Variants in ADCY4 observed in about 807,000 individuals in gnomAD.
ADCY4 encodes the protein adenylate cyclase 4.
Under a neutral mutation model 125.5 loss-of-function variants are expected in ADCY4, and 111 were observed. The observed-to-expected ratio is 0.88, with a 90% CI of 0.76 to 1.04. The LOEUF (loss-of-function observed/expected upper bound fraction) is 1.04. ADCY4 is among the 50% of genes least tolerant of loss of function. The pLI, the probability that ADCY4 is intolerant of heterozygous loss-of-function variation, is 0.00. For missense variants in ADCY4, 1,256 were observed against 1,382.9 expected, an observed-to-expected ratio of 0.91 and a Z score of 1.46; for synonymous variants, 576 against 586.9, an observed-to-expected ratio of 0.98 and a Z score of 0.27.
chr14:24,331,772 C>T lies in ADCY4; in HGVS notation c.669+16G>A, dbSNP rs2139224231. 6.4e-7 allele frequency: 1 copy of T among 1,565,396 alleles called. No homozygotes were observed. Among genetic ancestry groups the T allele is most frequent in the Non-Finnish European group, 8.7e-7 (1 of 1,149,392 alleles). On this transcript the variant is annotated intron_variant, in intron 4 of 24. Coordinates refer to ENST00000418030, the MANE Select transcript of ADCY4 (RefSeq NM_001198568.2). ...TCCCTCGGAGCGCTGCTCTGACCTT[C>T]CTAGGCCCGGCTGACCTGGTGCTTC...
chr14:24,329,315 C>CA, intron 9 of ADCY4, 81 bp from the exon 10 acceptor site: 1 of 1,576,638 alleles, frequency 6.3e-7, no homozygotes, highest in Non-Finnish European at 8.6e-7. Context: ...CCCAGGAACT[C>CA]AATCTCTGGC....
Position 24,319,279 on chromosome 14 carries a change from C to T in ADCY4, c.2841+50G>A, listed in dbSNP as rs1240690352. On this transcript the variant is annotated intron_variant, in intron 22 of 24. Transcript: ENST00000418030. The surrounding 1 kb of genome is among the most constrained non-coding windows in gnomAD (Gnocchi z 4.5). ...CAGGAATAAGTCCCACTAATAAGCC[C>T]ATCAATGAGAGCCCAGAGGAGGATG... is the stretch of plus-strand genomic sequence containing the variant. 2 of 1,612,530 alleles carry T rather than the reference C, an allele frequency of 1.2e-6. No homozygotes were observed. Among genetic ancestry groups the T allele is most frequent in the East Asian group, 2.2e-5 (1 of 44,884 alleles).
intron 1 of ADCY4, 135 bp downstream of exon 1, chr14:24,334,359 T>C: frequency 7.1e-7 from 1 of 1,413,568 alleles, no homozygotes; most frequent in Non-Finnish European, 9.3e-7. Context: ...GTCACTGCAG[T>C]TCCTAGCCAG....
rs375674291 is a variant in ADCY4, at chr14:24,330,300, G to T, written c.931-5C>A. On this transcript the variant is annotated splice_region_variant and splice_polypyrimidine_tract_variant and intron_variant, in intron 6 of 24. Coordinates refer to ENST00000418030, the MANE Select transcript of ADCY4 (RefSeq NM_001198568.2). ...GATCCGCATGCATTCATGCTCCTGG[G>T]AGTGTGTATGTGGGTGTGCAGAGGA... is the stretch of plus-strand genomic sequence containing the variant. The T allele has an allele frequency of 7.2e-4, 1,160 of 1,613,996 alleles. 1 individual carries two copies. The highest frequency in any genetic ancestry group is 9.3e-4 in the Non-Finnish European group (1,095 of 1,180,042).
At chr14:24,330,715 C>A (rs181697020) in intron 6 of ADCY4, 2 of 382,870 alleles carry the variant, frequency 5.2e-6, no homozygotes, top group Non-Finnish European at 9.4e-6. Flanking sequence ...AATATCAGAA[C>A]GTCTCTATAG....
At chr14:24,333,827 C>T (rs367659726) in intron 1 of ADCY4, among the ~76,000 whole-genome samples, 357 of 152,300 alleles carry the variant, frequency 2.3e-3, no homozygotes, top group African/African-American at 8.0e-3. Context: ...CCGCACCTCC[C>T]TGGCCACCAG....
At position 24,322,625 on chromosome 14, in the gene ADCY4, T is replaced by G; in HGVS notation, c.2426A>C (p.Gln809Pro). 6.2e-7 allele frequency: 1 copy of G among 1,613,998 alleles called. No individual in the cohort carries two copies. The highest frequency in any genetic ancestry group is 8.5e-7 in the Non-Finnish European group (1 of 1,179,966). The change falls in exon 19 of 25, where the codon CAG becomes CCG. Residue 809 changes from glutamine to proline, a missense_variant and splice_region_variant. Gln to Pro is a moderately conservative substitution (Grantham distance 76, BLOSUM62 -1). Coordinates refer to ENST00000418030, the MANE Select transcript of ADCY4 (RefSeq NM_001198568.2). Reference protein sequence around the residue: ...FFFTLLVLARQNEYYCRLDFL... With the variant: ...FFFTLLVLARPNEYYCRLDFL... Reference sequence around the variant, plus strand: ...GTGGGGCTGAGCTGGGTGACTTACCTGGCGAGCCAGGACAAGGAGGGTGAA... The same window carrying G: ...GTGGGGCTGAGCTGGGTGACTTACCGGGCGAGCCAGGACAAGGAGGGTGAA...
intron 4 of ADCY4, 77 bp from the exon 5 acceptor site, chr14:24,331,433 GC>G: frequency 6.3e-7 from 1 of 1,575,912 alleles, no homozygotes. Context: ...TCACTCAGGA[GC>G]CCACACTGCC....
rs774420099 is a variant in ADCY4 at position 24,319,365 on chromosome 14, T to C, written c.2805A>G (p.Thr935=). The change falls in exon 22 of 25, where the codon ACA becomes ACG. Residue 935 remains threonine, a synonymous_variant. Coordinates refer to ENST00000418030, the MANE Select transcript of ADCY4 (RefSeq NM_001198568.2). The surrounding 1 kb of genome is among the most constrained non-coding windows in gnomAD (Gnocchi z 4.5). Reference sequence around the variant, plus strand: ...CCTGTCCAGAGGTGGCATTTAAGCCTGTGGCTGCCATGTAGGTGCTGCCGA... The same window carrying C: ...CCTGTCCAGAGGTGGCATTTAAGCCCGTGGCTGCCATGTAGGTGCTGCCGA... ...KTIGSTYMAA[T]GLNATSGQDA... 1.2e-5 allele frequency: 19 copies of C among 1,614,096 alleles called. No individual in the cohort carries two copies. In the South Asian group the frequency reaches 2.1e-4, roughly 18 times the overall value.
Position 24,319,614 on chromosome 14 carries a change from G to C in ADCY4, c.2733+128C>G. Reference sequence around the variant, plus strand: ...TGGAGTGGGTAGATCTGGGGGATCAGAGGAGGTGAGGGAGTACTGTGGAGG... The same window carrying C: ...TGGAGTGGGTAGATCTGGGGGATCACAGGAGGTGAGGGAGTACTGTGGAGG... On this transcript the variant is annotated intron_variant, in intron 21 of 24. Transcript: ENST00000418030. The surrounding 1 kb of genome is among the most constrained non-coding windows in gnomAD (Gnocchi z 4.5). 7.6e-7 allele frequency: 1 copy of C among 1,313,084 alleles called. No individual in the cohort carries two copies. The highest frequency in any genetic ancestry group is 1.1e-6 in the Non-Finnish European group (1 of 930,050). The allele number at this position is 1,313,084 out of a possible 1,614,324, so 81.3% of individuals were successfully genotyped here.
rs2042067632 is a variant in ADCY4 at position 24,332,860 on chromosome 14, T to C, written c.288A>G (p.Val96=). The change falls in exon 2 of 25, where the codon GTA becomes GTG. Residue 96 remains valine (V), a synonymous_variant. Coordinates refer to ENST00000418030, the MANE Select transcript of ADCY4 (RefSeq NM_001198568.2). ...GGCCTAGCGCTAGCAGCGCGACCCA[T>C]ACCAAGCCGGACAGGGGACGCGTCC... ...QRWTRPLSGL[V]WVALLALGHA... 1 of 1,604,240 alleles carries C rather than the reference T, an allele frequency of 6.2e-7. No individual in the cohort carries two copies. The highest frequency in any genetic ancestry group is 8.5e-7 in the Non-Finnish European group (1 of 1,175,636).
At chr14:24,331,515 C>A in intron 4 of ADCY4, 159 bp from the exon 5 acceptor site, 1 of 1,014,656 alleles carries the variant, frequency 9.9e-7, no homozygotes, top group Non-Finnish European at 1.4e-6. Flanking sequence ...AGCACTCCAT[C>A]CTACACTGAT....
rs137899348 is a variant in ADCY4 at position 24,330,198 on chromosome 14, C to A, written c.1028G>T (p.Arg343Leu). ...SLPDHAINCV[R>L]MGLDMCRAIR... ...GGCCCGGCACATGTCCAGGCCCATG[C>A]GCACGCAGTTGATGGCATGGTCTGG... The change falls in exon 7 of 25, where the codon CGC becomes CTC. Residue 343 changes from arginine (R) to leucine (L), a missense_variant. Coordinates refer to ENST00000418030, the MANE Select transcript of ADCY4 (RefSeq NM_001198568.2). 5 of 1,614,180 alleles carry A rather than the reference C, an allele frequency of 3.1e-6. No individual in the cohort carries two copies. The highest frequency in any genetic ancestry group is 4.2e-6 in the Non-Finnish European group (5 of 1,180,038).
intron 14 of ADCY4, 95 bp downstream of exon 14, chr14:24,325,282 G>T: frequency 9.8e-7 from 1 of 1,015,906 alleles, no homozygotes; most frequent in Non-Finnish European, 1.5e-6. Flanking sequence ...GAAGCTAAGG[G>T]GAAGGGGTGA....
At chr14:24,330,721 T>C in intron 6 of ADCY4, 1 of 349,986 alleles carries the variant, frequency 2.9e-6, no homozygotes, top group Non-Finnish European at 5.2e-6. Flanking sequence ...AGAACGTCTC[T>C]ATAGATTTGG....
chr14:24,323,615 C>T (rs2041891494), intron 16 of ADCY4, 161 bp from the exon 17 acceptor site: 12 of 1,440,138 alleles, frequency 8.3e-6, no homozygotes, highest in Non-Finnish European at 1.1e-5. Context: ...CACTGGGGTC[C>T]TCACTCGGGG....
In ADCY4 at chr14:24,319,271, A is replaced by G; in HGVS notation, c.2841+58T>C. The G allele has an allele frequency of 6.2e-7, 1 of 1,612,456 alleles. No homozygotes were observed. Among genetic ancestry groups the G allele is most frequent in the East Asian group, 2.2e-5 (1 of 44,872 alleles). ...TGAGGGCACAGGAATAAGTCCCACT[A>G]ATAAGCCCATCAATGAGAGCCCAGA... On this transcript the variant is annotated intron_variant, in intron 22 of 24. Coordinates refer to ENST00000418030, the MANE Select transcript of ADCY4 (RefSeq NM_001198568.2). The surrounding 1 kb of genome is among the most constrained non-coding windows in gnomAD (Gnocchi z 4.5).
At position 24,334,791 on chromosome 14, in the gene ADCY4, C is replaced by T. The variant is rs2042108005; in HGVS notation, c.-139G>A. On this transcript the variant is annotated 5_prime_UTR_variant, in exon 1 of 25. Transcript: ENST00000418030. ...CGCGCCCCCAACCTCGTGGCAATCCCGTCTCCTTTTTCAGGCCCTCCCTGC... is the reference window on the plus strand; with the variant it reads ...CGCGCCCCCAACCTCGTGGCAATCCTGTCTCCTTTTTCAGGCCCTCCCTGC... 6 of 696,472 alleles carry T rather than the reference C, an allele frequency of 8.6e-6. 1 individual carries two copies. The East Asian group carries it at 1.5e-4, about 17-fold the overall frequency. 43.1% of individuals were successfully genotyped at this position (696,472 alleles called of 1,614,324 possible).
At chr14:24,328,843 C>A (rs1216123349) in intron 10 of ADCY4, 2 of 611,740 alleles carry the variant, frequency 3.3e-6, no homozygotes, top group Non-Finnish European at 5.7e-6. Flanking sequence ...GATCTTGTAT[C>A]TTCTCTGAGG....
Sources: allele counts gnomAD v4.1 joint callset (sites outside exome capture counted in the v4.1 genomes callset), GRCh38; gene constraint gnomAD v4.1.1; non-coding constraint Gnocchi (gnomAD v3.1); transcripts MANE v1.5; gene names NCBI Gene and HGNC (gene_info 2026-07-23, HGNC 2026-07-21).